The following NBEA variants were observed in gnomAD, a reference collection of about 807,000 sequenced individuals.
NBEA encodes neurobeachin, also known as lysosomal-trafficking regulator 2.
A neutral mutation model predicts 343.4 loss-of-function variants in NBEA; 44 were observed. The observed-to-expected ratio is 0.13, with a 90% confidence interval of 0.10 to 0.16. The LOEUF (loss-of-function observed/expected upper bound fraction) is 0.16. NBEA is among the 10% of genes least tolerant of loss of function. NBEA has a pLI of 1.00. For missense variants in NBEA, 2,555 were observed against 3,631.3 expected (o/e 0.70, Z 7.62); for synonymous variants, 1,175 against 1,238.7 (o/e 0.95, Z 1.08).
At chr13:35,659,086 A>C (rs956302182) in intron 55 of NBEA, among the ~76,000 whole-genome samples, 1 of 152,246 alleles carries the variant, frequency 6.6e-6, no homozygotes, top group Non-Finnish European at 1.5e-5. Flanking sequence ...CTCATAATAC[A>C]TTGATACTCA....
At chr13:35,032,616 G>A (rs1159835559) in intron 1 of NBEA, among the ~76,000 whole-genome samples, 1 of 151,140 alleles carries the variant, frequency 6.6e-6, no homozygotes, top group East Asian at 1.9e-4. Flanking sequence ...CATTGATAGT[G>A]TACTCATAGT....
intron 39 of NBEA, among the ~76,000 whole-genome samples, chr13:35,436,269 T>C (rs960779771): frequency 9.2e-5 from 14 of 152,196 alleles, no homozygotes; most frequent in Non-Finnish European, 4.4e-5. Context: ...AATGACTTAA[T>C]GTTTTGGAGT....
intron 11 of NBEA, among the ~76,000 whole-genome samples, chr13:35,104,847 A>T (rs2065837339): frequency 6.6e-6 from 1 of 151,922 alleles, no homozygotes; most frequent in Non-Finnish European, 1.5e-5. Context: ...ATTCAATAGG[A>T]TATTTTTGAT....
At chr13:35,524,838 G>A (rs1423591850) in intron 41 of NBEA, among the ~76,000 whole-genome samples, 1 of 152,158 alleles carries the variant, frequency 6.6e-6, no homozygotes, top group Non-Finnish European at 1.5e-5. Context: ...CACTTACCAG[G>A]ATGTTCCTTG....
intron 33 of NBEA, among the ~76,000 whole-genome samples, chr13:35,218,565 T>C (rs533840684): frequency 3.0e-4 from 45 of 152,178 alleles, no homozygotes; most frequent in Non-Finnish European, 5.3e-4. Flanking sequence ...ATAGCAGGCA[T>C]TCTTTTTAAA....
At chr13:35,532,163 A>G (rs1297495160) in intron 41 of NBEA, among the ~76,000 whole-genome samples, 1 of 152,192 alleles carries the variant, frequency 6.6e-6, no homozygotes, top group African/African-American at 2.4e-5. Context: ...AAGGAAGTGT[A>G]ATTTGTATTT....
intron 40 of NBEA, among the ~76,000 whole-genome samples, chr13:35,463,681 T>A (rs534492877): frequency 1.2e-4 from 19 of 152,270 alleles, no homozygotes; most frequent in African/African-American, 4.3e-4. Flanking sequence ...TTCAAGCCTT[T>A]AACTTACTAA....
chr13:35,070,216 T>G (rs1374727620), intron 9 of NBEA, 111 bp downstream of exon 9: 27 of 1,131,892 alleles, frequency 2.4e-5, no homozygotes, highest in Non-Finnish European at 3.2e-5. Context: ...TGCTTCTTTT[T>G]TGGCTTTTGC....
intron 38 of NBEA, among the ~76,000 whole-genome samples, chr13:35,359,915 C>A (rs1231340149): frequency 1.3e-5 from 2 of 151,370 alleles, no homozygotes; most frequent in African/African-American, 4.9e-5. Context: ...GTTTAGTTTT[C>A]TGGTAAGATG....
At chr13:35,478,327 G>A (rs1182859007) in intron 41 of NBEA, among the ~76,000 whole-genome samples, 2 of 152,154 alleles carry the variant, frequency 1.3e-5, no homozygotes, top group Non-Finnish European at 2.9e-5. Flanking sequence ...CAGGGTCTGG[G>A]AACACCCAAA....
At chr13:35,250,260 A>G (rs2031794842) in intron 34 of NBEA, among the ~76,000 whole-genome samples, 2 of 152,172 alleles carry the variant, frequency 1.3e-5, no homozygotes, top group African/African-American at 4.8e-5. Flanking sequence ...ATAGACTGGA[A>G]AGGTATATGT....
At chr13:34,962,525 A>G (rs1476928254) in intron 1 of NBEA, among the ~76,000 whole-genome samples, 3 of 152,140 alleles carry the variant, frequency 2.0e-5, no homozygotes, top group East Asian at 1.9e-4. Flanking sequence ...GTCAGCAAAT[A>G]CTTTGAAAGG....
At chr13:35,475,613 A>C in intron 41 of NBEA, 1 of 1,613,648 alleles carries the variant, frequency 6.2e-7, no homozygotes, top group South Asian at 1.1e-5. Context: ...ATCCCGGTGC[A>C]TTTAAAGGCC....
intron 11 of NBEA, among the ~76,000 whole-genome samples, chr13:35,101,604 T>C (rs1326254973): frequency 6.6e-6 from 1 of 151,858 alleles, no homozygotes; most frequent in Admixed American, 6.6e-5. Flanking sequence ...TGGATACTAG[T>C]CCCTTAATAG....
intron 1 of NBEA, among the ~76,000 whole-genome samples, chr13:34,983,704 G>C (rs1286604953): frequency 6.6e-6 from 1 of 152,048 alleles, no homozygotes. Context: ...ACTTTCTAAT[G>C]ATCGCCATTC....
At chr13:35,013,358 A>G (rs1275036232) in intron 1 of NBEA, among the ~76,000 whole-genome samples, 1 of 152,250 alleles carries the variant, frequency 6.6e-6, no homozygotes, top group Non-Finnish European at 1.5e-5. Context: ...AGGAAAAAAT[A>G]TAAAGATAAA....
At chr13:35,378,464 A>G (rs889812308) in intron 38 of NBEA, among the ~76,000 whole-genome samples, 4 of 152,186 alleles carry the variant, frequency 2.6e-5, no homozygotes, top group African/African-American at 9.7e-5. Context: ...CACTGCTTAT[A>G]AAGTTAGCCT....
At chr13:35,004,621 G>A (rs2061255169) in intron 1 of NBEA, among the ~76,000 whole-genome samples, 1 of 152,080 alleles carries the variant, frequency 6.6e-6, no homozygotes, top group African/African-American at 2.4e-5. Context: ...GGATATCGCT[G>A]TATTTTTCTC....
chr13:35,093,485 C>T (rs994476000), intron 10 of NBEA, among the ~76,000 whole-genome samples: 3 of 151,958 alleles, frequency 2.0e-5, no homozygotes, highest in African/African-American at 2.4e-5. Context: ...CGAATTCCAG[C>T]ACTTCTAGTG....
Sources: allele counts gnomAD v4.1 joint callset (sites outside exome capture counted in the v4.1 genomes callset), GRCh38; gene constraint gnomAD v4.1.1; transcripts MANE v1.5; gene names NCBI Gene and HGNC (gene_info 2026-07-23, HGNC 2026-07-21).